DGKG: variants seen among roughly 807,000 people sequenced by gnomAD.
The protein encoded by DGKG is diacylglycerol kinase gamma.
Under a neutral mutation model 105.3 loss-of-function variants are expected in DGKG, and 78 were observed. The observed-to-expected ratio is 0.74, with a 90% CI of 0.62 to 0.89. DGKG has a LOEUF of 0.89. DGKG is among the 40% of genes least tolerant of loss of function. The pLI is 0.00. For missense variants in DGKG, 958 were observed against 1,020.1 expected (o/e 0.94, Z 0.83); for synonymous variants, 346 against 367.1 (o/e 0.94, Z 0.66).
intron 19 of DGKG, among the ~76,000 whole-genome samples, chr3:186,250,660 C>G (rs1721173199): frequency 6.7e-6 from 1 of 149,818 alleles, no homozygotes; most frequent in Non-Finnish European, 1.5e-5. Flanking sequence ...AGCAATTCTC[C>G]TGCCTCAGCC....
intron 2 of DGKG, among the ~76,000 whole-genome samples, chr3:186,308,731 A>G (rs1724376770): frequency 6.6e-6 from 1 of 152,354 alleles, no homozygotes; most frequent in East Asian, 1.9e-4. Flanking sequence ...CAGGCAGCAG[A>G]TGCTGTCAAT....
Position 186,148,998 on chromosome 3 carries a change from A to G in DGKG, c.*1092T>C. The G allele has an allele frequency of 1.2e-6, 1 of 856,250 alleles. No homozygotes were observed. The allele number at this position is 856,250 out of a possible 1,614,324, so 53.0% of individuals were successfully genotyped here. A position where few individuals can be genotyped will look rare whatever the true frequency, so the allele number is the denominator to read the frequency against. ...ATATAAATATATAGGCTAAATATATATATATACACGCACACACACACACAC... is the reference window on the plus strand; with the variant it reads ...ATATAAATATATAGGCTAAATATATGTATATACACGCACACACACACACAC... On this transcript the variant is annotated 3_prime_UTR_variant, in exon 25 of 25. Coordinates refer to ENST00000265022, the MANE Select transcript of DGKG (RefSeq NM_001346.3).
At chr3:186,355,699 T>TCACCAGCACCAG (rs1159281656) in intron 1 of DGKG, among the ~76,000 whole-genome samples, 2 of 147,660 alleles carry the variant, frequency 1.4e-5, no homozygotes, top group Non-Finnish European at 1.5e-5. Context: ...ATTATCACCA[T>TCACCAGCACCAG]CACCAGCACC....
Position 186,226,257 on chromosome 3 carries a change from A to ATCCT in DGKG, c.1827-14376_1827-14373dup, listed in dbSNP as rs1324222509. ...AATTCTTTAGTAAGTAGATAATCCA[A>ATCCT]TCCTTCAAATTTCTTCTTTTCTAAC... is the stretch of plus-strand genomic sequence containing the variant. On this transcript the variant is annotated intron_variant, in intron 20 of 24. Coordinates refer to ENST00000265022, the MANE Select transcript of DGKG (RefSeq NM_001346.3). This position sits in a 1 kb window ranked among gnomAD's most constrained non-coding sequence, Gnocchi z 4.2. 1.3e-5 allele frequency among the ~76,000 whole-genome samples: 2 copies of ATCCT among 152,204 alleles called. No individual in the cohort carries two copies. Among genetic ancestry groups the ATCCT allele is most frequent in the East Asian group, 3.8e-4 (2 of 5,200 alleles).
chr3:186,268,839 T>C lies in DGKG; in HGVS notation c.1078A>G (p.Ser360Gly). 1 of 1,613,992 alleles carries C rather than the reference T, an allele frequency of 6.2e-7. No homozygotes were observed. The highest frequency in any genetic ancestry group is 1.1e-5 in the South Asian group (1 of 91,072). ...CACACGCAGTGCCGCGCGGTGACAC[T>C]CTGGTAGCACTTGATACTTTTGTGG... ...RCHKSIKCYQ[S>G]VTARHCVWCR... Residue 360 changes from serine (S) to glycine (G), a missense_variant, in exon 12 of 25, where the codon AGT (serine) becomes GGT (glycine). Ser to Gly is a moderately conservative substitution (Grantham distance 56). Coordinates refer to ENST00000265022, the MANE Select transcript of DGKG (RefSeq NM_001346.3).
chr3:186,327,700 T>C (rs1725416176), intron 1 of DGKG, among the ~76,000 whole-genome samples: 1 of 152,088 alleles, frequency 6.6e-6, no homozygotes, highest in Non-Finnish European at 1.5e-5. Flanking sequence ...TGTGAGCCTC[T>C]GTGCCTGGCT....
chr3:186,351,864 A>C (rs930480072), intron 1 of DGKG, among the ~76,000 whole-genome samples: 5 of 152,268 alleles, frequency 3.3e-5, no homozygotes, highest in African/African-American at 1.2e-4. Flanking sequence ...ATGCACATGT[A>C]GGAGATTTAC....
chr3:186,360,388 C>G (rs1385679616), intron 1 of DGKG, among the ~76,000 whole-genome samples: 2 of 152,048 alleles, frequency 1.3e-5, no homozygotes, highest in African/African-American at 4.8e-5. Context: ...TGGGTGTAAA[C>G]GTTAAGGGTG....
At chr3:186,151,532 G>T (rs1442998489) in intron 24 of DGKG, among the ~76,000 whole-genome samples, 1 of 152,196 alleles carries the variant, frequency 6.6e-6, no homozygotes, top group Non-Finnish European at 1.5e-5. Flanking sequence ...GGGTAGAGAA[G>T]TCACAGATGA....
chr3:186,342,892 C>A (rs1726150754), intron 1 of DGKG, among the ~76,000 whole-genome samples: 1 of 152,008 alleles, frequency 6.6e-6, no homozygotes, highest in Non-Finnish European at 1.5e-5. Context: ...AAAAAATGTG[C>A]CTGCAGGCTC....
intron 8 of DGKG, 82 bp from the exon 9 acceptor site, chr3:186,280,055 C>CTTGCATTA: frequency 6.5e-7 from 1 of 1,549,866 alleles, no homozygotes; most frequent in Admixed American, 1.7e-5. Context: ...TCTTGTTCAT[C>CTTGCATTA]TTGCATTATC....
rs1004579969 is a variant in DGKG, at chr3:186,276,003, CATCTATCT to C, written c.793-347_793-340del. ...ATCTATCTATCTATCTATTATCTAT[CATCTATCT>C]ATCTATCTCCTTTAAATGTTTACAA... On this transcript the variant is annotated intron_variant, in intron 9 of 24. Coordinates refer to ENST00000265022, the MANE Select transcript of DGKG (RefSeq NM_001346.3). Among the ~76,000 whole-genome samples, 7 of 150,706 alleles carry C rather than the reference CATCTATCT, an allele frequency of 4.6e-5. No individual in the cohort carries two copies. In the South Asian group the frequency reaches 1.3e-3, roughly 27 times the overall value.
At chr3:186,242,413 G>T in intron 20 of DGKG, 91 bp downstream of exon 20, 1 of 1,162,022 alleles carries the variant, frequency 8.6e-7, no homozygotes, top group Non-Finnish European at 1.2e-6. Context: ...AGCGGCCCTG[G>T]CTGGGAAAAT....
At chr3:186,218,336 C>G (rs1431808019) in intron 20 of DGKG, among the ~76,000 whole-genome samples, 1 of 151,692 alleles carries the variant, frequency 6.6e-6, no homozygotes, top group Non-Finnish European at 1.5e-5. Context: ...AACCCTGTCT[C>G]TACTAAAAAT....
chr3:186,328,564 G>C (rs1244777030), intron 1 of DGKG, among the ~76,000 whole-genome samples: 4 of 149,556 alleles, frequency 2.7e-5, no homozygotes, highest in African/African-American at 5.0e-5. Flanking sequence ...AGTGGAAAAG[G>C]CTACACCATT....
rs920674723 is a variant in DGKG, at chr3:186,246,615, G to A, written c.1762-4047C>T. 2.1e-4 allele frequency among the ~76,000 whole-genome samples: 32 copies of A among 152,242 alleles called. 1 individual carries two copies. Among genetic ancestry groups the A allele is most frequent in the African/African-American group, 7.5e-4 (31 of 41,464 alleles). ...AGATTGGGGAATGGAAAAGGGTATA[G>A]ACCCTTGTCCACGTCCCTCTGGGGA... On this transcript the variant is annotated intron_variant, in intron 19 of 24. Transcript: ENST00000265022.
At chr3:186,247,556 A>G (rs1353061505) in intron 19 of DGKG, among the ~76,000 whole-genome samples, 1 of 152,178 alleles carries the variant, frequency 6.6e-6, no homozygotes, top group Admixed American at 6.5e-5. Flanking sequence ...AAAGTTTGGG[A>G]AGTCAAATAG....
In DGKG at chr3:186,306,313, G is replaced by A. The variant is rs182856866; in HGVS notation, c.144+588C>T. Among the ~76,000 whole-genome samples, 12 of 152,286 alleles carry A rather than the reference G, an allele frequency of 7.9e-5. No individual in the cohort carries two copies. In the East Asian group the frequency reaches 2.1e-3, roughly 27 times the overall value. On this transcript the variant is annotated intron_variant, in intron 3 of 24. Transcript: ENST00000265022. ...TGTTTTTAATATAGAAGAAATAACAGGATGTTTACATGTTGATGGAAAAAT... is the reference window on the plus strand; with the variant it reads ...TGTTTTTAATATAGAAGAAATAACAAGATGTTTACATGTTGATGGAAAAAT...
intron 20 of DGKG, among the ~76,000 whole-genome samples, chr3:186,222,614 G>A (rs1448996540): frequency 6.6e-6 from 1 of 152,094 alleles, no homozygotes; most frequent in Non-Finnish European, 1.5e-5. Context: ...AGACTGAGGC[G>A]GGCGGATCAC....
Sources: allele counts gnomAD v4.1 joint callset (sites outside exome capture counted in the v4.1 genomes callset), GRCh38; gene constraint gnomAD v4.1.1; non-coding constraint Gnocchi (gnomAD v3.1); transcripts MANE v1.5; gene names NCBI Gene and HGNC (gene_info 2026-07-23, HGNC 2026-07-21).